The following CHODL variants were observed in gnomAD, a reference collection of about 807,000 sequenced individuals.
The protein encoded by CHODL is transmembrane protein MT75.
A neutral mutation model predicts 34.5 loss-of-function variants in CHODL; 29 were observed. That is an observed-to-expected ratio of 0.84 (90% CI 0.63 to 1.15). CHODL has a LOEUF of 1.15. CHODL is among the 50% of genes most tolerant of loss of function. The pLI is 0.00. For synonymous variants in CHODL, 125 were observed against 116.1 expected, an observed-to-expected ratio of 1.08 and a Z score of -0.49; for missense variants, 332 against 332.5, an observed-to-expected ratio of 1.00 and a Z score of 0.01.
upstream of CHODL, among the ~76,000 whole-genome samples, chr21:18,242,850 T>C (rs1402505478): frequency 1.3e-5 from 2 of 152,174 alleles, no homozygotes; most frequent in African/African-American, 2.4e-5. Context: ...AGATCCTTCC[T>C]GACAAAAAAT....
At chr21:17,935,371 A>T (rs142301103) in intron 1 of CHODL, among the ~76,000 whole-genome samples, 7 of 152,328 alleles carry the variant, frequency 4.6e-5, no homozygotes, top group Non-Finnish European at 7.3e-5. Context: ...AGAGCCATGA[A>T]TTTGAATCCA....
At chr21:18,052,789 AG>A (rs2064531923) in intron 2 of CHODL, among the ~76,000 whole-genome samples, 1 of 151,958 alleles carries the variant, frequency 6.6e-6, no homozygotes, top group African/African-American at 2.4e-5. Flanking sequence ...ATATTTGGAA[AG>A]ACACTTCCTG....
At chr21:18,150,194 T>C (rs1189127180) in intron 2 of CHODL, among the ~76,000 whole-genome samples, 4 of 152,226 alleles carry the variant, frequency 2.6e-5, no homozygotes, top group Admixed American at 6.5e-5. Flanking sequence ...TGGGTTAAGA[T>C]AAAAGATTGT....
At chr21:18,120,311 G>T (rs1009817991) in intron 2 of CHODL, among the ~76,000 whole-genome samples, 5 of 152,092 alleles carry the variant, frequency 3.3e-5, no homozygotes, top group African/African-American at 1.2e-4. Flanking sequence ...GAACATACCT[G>T]GGACCAAGCA....
intron 1 of CHODL, among the ~76,000 whole-genome samples, chr21:18,256,251 A>G (rs1315664879): frequency 6.6e-6 from 1 of 151,964 alleles, no homozygotes; most frequent in African/African-American, 2.4e-5. Flanking sequence ...CTAAGCCAGA[A>G]GAGTTATAAC....
At chr21:18,099,550 A>C (rs906226024) in intron 2 of CHODL, among the ~76,000 whole-genome samples, 1 of 152,048 alleles carries the variant, frequency 6.6e-6, no homozygotes, top group Non-Finnish European at 1.5e-5. Flanking sequence ...AAATAAAGAT[A>C]AAAAGATAGT....
chr21:18,245,973 G>T lies in CHODL; in HGVS notation c.79+671G>T, dbSNP rs769792407. ...ATGACTGCAGGTTCGGCACACAGTA[G>T]GTGCACAATTAAGTCGGTCGAGTCA... On this transcript the variant is annotated intron_variant, in intron 1 of 5. Transcript: ENST00000299295. The T allele has an allele frequency of 5.2e-6, 8 of 1,525,120 alleles. No homozygotes were observed. The South Asian group carries it at 9.5e-5, about 18-fold the overall frequency. The allele number at this position is 1,525,120 out of a possible 1,614,324, so 94.5% of individuals were successfully genotyped here.
intron 1 of CHODL, among the ~76,000 whole-genome samples, chr21:18,014,414 G>C (rs1237700925): frequency 6.6e-6 from 1 of 152,156 alleles, no homozygotes; most frequent in South Asian, 2.1e-4. Flanking sequence ...ACTTATAAGT[G>C]GTAGCTAAAT....
chr21:18,236,025 T>G (rs1339956072), intron 2 of CHODL, among the ~76,000 whole-genome samples: 1 of 152,140 alleles, frequency 6.6e-6, no homozygotes, highest in East Asian at 1.9e-4. Flanking sequence ...TCTATGAGTT[T>G]TGTATTAGTA....
chr21:18,062,034 CAT>C (rs2064672963), intron 2 of CHODL, among the ~76,000 whole-genome samples: 1 of 151,996 alleles, frequency 6.6e-6, no homozygotes, highest in Non-Finnish European at 1.5e-5. Flanking sequence ...GGTTAGGAGA[CAT>C]AGAAGACAAG....
intron 3 of CHODL, 117 bp from the exon 4 acceptor site, chr21:18,260,083 G>T (rs543944245): frequency 1.0e-4 from 33 of 329,756 alleles, no homozygotes; most frequent in Admixed American, 1.5e-4. Flanking sequence ...TTAGCTGTAA[G>T]CTGTTCAGAA....
intron 5 of CHODL, 99 bp from the exon 6 acceptor site, chr21:18,265,855 T>A: frequency 1.1e-6 from 1 of 919,672 alleles, no homozygotes; most frequent in Non-Finnish European, 1.6e-6. Flanking sequence ...AGGGGGAGTC[T>A]TTCATAAATA....
At chr21:17,964,437 A>C (rs2063556033) in intron 1 of CHODL, among the ~76,000 whole-genome samples, 1 of 152,278 alleles carries the variant, frequency 6.6e-6, no homozygotes. Flanking sequence ...TTTAAATAAT[A>C]GAGAAGCCAA....
At chr21:18,092,714 A>T (rs2065088628) in intron 2 of CHODL, among the ~76,000 whole-genome samples, 1 of 152,238 alleles carries the variant, frequency 6.6e-6, no homozygotes, top group South Asian at 2.1e-4. Context: ...AGCAGAATAG[A>T]TTATGCAGAA....
chr21:18,086,278 A>C (rs1317279308), intron 2 of CHODL, among the ~76,000 whole-genome samples: 1 of 151,704 alleles, frequency 6.6e-6, no homozygotes, highest in Non-Finnish European at 1.5e-5. Context: ...ATTTCTTTGT[A>C]TTGGTTTTCA....
intron 2 of CHODL, among the ~76,000 whole-genome samples, chr21:18,060,028 C>T (rs990946965): frequency 6.6e-6 from 1 of 152,152 alleles, no homozygotes; most frequent in Non-Finnish European, 1.5e-5. Flanking sequence ...CCACATTTCT[C>T]CTTCCCCATT....
chr21:17,958,640 G>A (rs1287562418), intron 1 of CHODL, among the ~76,000 whole-genome samples: 2 of 152,184 alleles, frequency 1.3e-5, no homozygotes, highest in Non-Finnish European at 2.9e-5. Context: ...AAGGAAGATT[G>A]TAAAACCAAA....
chr21:18,090,574 T>C (rs1342756097), intron 2 of CHODL, among the ~76,000 whole-genome samples: 1 of 149,654 alleles, frequency 6.7e-6, no homozygotes, highest in Non-Finnish European at 1.5e-5. Context: ...ATAACAACAG[T>C]GTGCAAAGAA....
chr21:18,160,506 A>G (rs1325715279), intron 2 of CHODL, among the ~76,000 whole-genome samples: 1 of 151,876 alleles, frequency 6.6e-6, no homozygotes, highest in African/African-American at 2.4e-5. Flanking sequence ...TCCCCCTTCC[A>G]AAAGGCCCCA....
Sources: gnomAD v4.1 joint callset for allele counts (sites outside exome capture counted in the v4.1 genomes callset) on GRCh38, gnomAD v4.1.1 for gene constraint, MANE v1.5 for transcripts, NCBI Gene and HGNC (gene_info 2026-07-23, HGNC 2026-07-21) for gene names.